Variants in ADGRG6 observed in about 807,000 individuals in gnomAD.
The protein encoded by ADGRG6 is G-protein coupled receptor 126.
A neutral mutation model predicts 142.4 loss-of-function variants in ADGRG6; 84 were observed. The observed-to-expected ratio is 0.59, with a 90% CI of 0.49 to 0.71. The LOEUF is 0.71. ADGRG6 is among the 30% of genes least tolerant of loss of function. ADGRG6 has a pLI of 0.00. For missense variants in ADGRG6, 1,367 were observed against 1,466.6 expected (o/e 0.93, Z 1.11); for synonymous variants, 521 against 520.5 (o/e 1.00, Z -0.01).
At chr6:142,314,741 T>C (rs957500398) in intron 2 of ADGRG6, among the ~76,000 whole-genome samples, 2 of 152,192 alleles carry the variant, frequency 1.3e-5, no homozygotes, top group Non-Finnish European at 2.9e-5. Flanking sequence ...AGAGTGGTCA[T>C]CTGGAAGTGA....
At chr6:142,385,555 A>G (rs556321948) in intron 6 of ADGRG6, among the ~76,000 whole-genome samples, 5 of 152,268 alleles carry the variant, frequency 3.3e-5, no homozygotes, top group African/African-American at 9.6e-5. Context: ...GGGAAAATCT[A>G]TTTCACAATT....
chr6:142,409,897 C>A lies in ADGRG6; in HGVS notation c.2412C>A (p.Ala804=). 1.3e-6 allele frequency: 2 copies of A among 1,487,164 alleles called. No homozygotes were observed. Among genetic ancestry groups the A allele is most frequent in the Non-Finnish European group, 1.9e-6 (2 of 1,078,614 alleles). 92.1% of individuals were successfully genotyped at this position (1,487,164 alleles called of 1,614,324 possible). A position where few individuals can be genotyped will look rare whatever the true frequency, so the allele number is the denominator to read the frequency against. ...RTQEVHHPIC[A]FWDLNKNKSF... is the part of the protein sequence containing the mutation. ...AGGAAGTGCATCATCCCATCTGTGC[C>A]TTCTGGGATCTGAACAAAAACAGTA... The change falls in exon 17 of 25, where the codon GCC becomes GCA. Residue 804 remains alanine, a synonymous_variant. Transcript: ENST00000367609.
chr6:142,385,868 A>G (rs774370553), intron 6 of ADGRG6, among the ~76,000 whole-genome samples: 7 of 152,174 alleles, frequency 4.6e-5, no homozygotes, highest in Non-Finnish European at 8.8e-5. Context: ...AACATTAATA[A>G]TTTCTTATTC....
intron 6 of ADGRG6, among the ~76,000 whole-genome samples, chr6:142,385,161 A>T (rs1355506809): frequency 6.6e-6 from 1 of 152,136 alleles, no homozygotes; most frequent in African/African-American, 2.4e-5. Flanking sequence ...AGAGTCCTTG[A>T]CTTGGTGGAG....
intron 6 of ADGRG6, among the ~76,000 whole-genome samples, chr6:142,385,806 C>T (rs1781991703): frequency 6.6e-6 from 1 of 151,900 alleles, no homozygotes; most frequent in South Asian, 2.1e-4. Flanking sequence ...ACTTTTTCAC[C>T]TTATGAATAC....
At chr6:142,395,473 T>C (rs1212594728) in intron 9 of ADGRG6, among the ~76,000 whole-genome samples, 1 of 152,212 alleles carries the variant, frequency 6.6e-6, no homozygotes, top group Non-Finnish European at 1.5e-5. Flanking sequence ...TTTAGTGTAC[T>C]TACTGTGGTT....
chr6:142,418,675 C>T (rs918298873), intron 21 of ADGRG6, among the ~76,000 whole-genome samples: 21 of 152,086 alleles, frequency 1.4e-4, no homozygotes, highest in African/African-American at 4.8e-4. Context: ...TGATAATTTA[C>T]TGTATGCCAG....
At chr6:142,365,388 C>T (rs1780900192) in intron 2 of ADGRG6, among the ~76,000 whole-genome samples, 1 of 152,124 alleles carries the variant, frequency 6.6e-6, no homozygotes, top group African/African-American at 2.4e-5. Flanking sequence ...ATAAATTTAG[C>T]AAATTTTATT....
intron 17 of ADGRG6, among the ~76,000 whole-genome samples, chr6:142,410,654 A>C (rs796904687): frequency 1.9e-4 from 29 of 152,246 alleles, no homozygotes; most frequent in African/African-American, 6.7e-4. Flanking sequence ...TGTCACAGCA[A>C]GACAGGAGTT....
rs371592836 is a variant in ADGRG6, at chr6:142,370,671, C to T, written c.947C>T (p.Thr316Ile). 6.2e-7 allele frequency: 1 copy of T among 1,613,488 alleles called. No individual in the cohort carries two copies. The highest frequency in any genetic ancestry group is 1.3e-5 in the African/African-American group (1 of 74,894). ...TATAACTTTCGACTTTGGAATTTTA[C>T]CATGAATGCCAAAATCCTCTCCAAC... ...DIYNFRLWNF[T>I]MNAKILSNLS... The change falls in exon 4 of 25, where the codon ACC (threonine) becomes ATC (isoleucine). Residue 316 changes from threonine (T) to isoleucine (I), a missense_variant. Coordinates refer to ENST00000367609, the MANE Select transcript of ADGRG6 (RefSeq NM_198569.3).
At chr6:142,437,962 T>C in intron 23 of ADGRG6, 1 of 339,504 alleles carries the variant, frequency 2.9e-6, no homozygotes, top group Non-Finnish European at 5.2e-6. Context: ...TTTGTTTTTC[T>C]TTTTACTGTC....
At chr6:142,330,889 G>A (rs1779023832) in intron 2 of ADGRG6, among the ~76,000 whole-genome samples, 1 of 151,978 alleles carries the variant, frequency 6.6e-6, no homozygotes, top group Non-Finnish European at 1.5e-5. Flanking sequence ...AATATTTTTA[G>A]AGTATATAAT....
intron 22 of ADGRG6, among the ~76,000 whole-genome samples, chr6:142,434,611 G>A (rs1000184238): frequency 3.9e-5 from 6 of 152,092 alleles, no homozygotes; most frequent in Admixed American, 1.3e-4. Context: ...GTAAGCCACC[G>A]CGTCCGGCCC....
intron 4 of ADGRG6, among the ~76,000 whole-genome samples, chr6:142,381,424 G>T (rs753666519): frequency 3.9e-5 from 6 of 152,154 alleles, no homozygotes; most frequent in Non-Finnish European, 8.8e-5. Flanking sequence ...TAAAAAATTA[G>T]CTCAAAACTT....
chr6:142,359,886 A>G (rs1436944157), intron 2 of ADGRG6, among the ~76,000 whole-genome samples: 3 of 152,194 alleles, frequency 2.0e-5, no homozygotes, highest in African/African-American at 7.2e-5. Flanking sequence ...ATTTGGAGGT[A>G]GAGAAAACTT....
chr6:142,396,986 A>G (rs190093361), intron 9 of ADGRG6, among the ~76,000 whole-genome samples: 9 of 152,250 alleles, frequency 5.9e-5, no homozygotes, highest in African/African-American at 1.2e-4. Context: ...CAACCATTCT[A>G]TAACCTTCTT....
At chr6:142,437,048 T>G (rs1446551335) in intron 22 of ADGRG6, among the ~76,000 whole-genome samples, 1 of 152,250 alleles carries the variant, frequency 6.6e-6, no homozygotes, top group Non-Finnish European at 1.5e-5. Flanking sequence ...TTATGTGTGT[T>G]TTCCATTTTC....
intron 2 of ADGRG6, among the ~76,000 whole-genome samples, chr6:142,336,111 C>G (rs1244560992): frequency 6.6e-6 from 1 of 152,188 alleles, no homozygotes; most frequent in East Asian, 1.9e-4. Context: ...AGCAGTGCCT[C>G]TCTGTGTGCA....
intron 4 of ADGRG6, among the ~76,000 whole-genome samples, chr6:142,374,308 G>A (rs1195559395): frequency 6.6e-6 from 1 of 152,180 alleles, no homozygotes; most frequent in Non-Finnish European, 1.5e-5. Context: ...TTAGCCCTAC[G>A]ACATGGGTGG....
Sources: gnomAD v4.1 joint callset for allele counts (sites outside exome capture counted in the v4.1 genomes callset) on GRCh38, gnomAD v4.1.1 for gene constraint, MANE v1.5 for transcripts, NCBI Gene and HGNC (gene_info 2026-07-23, HGNC 2026-07-21) for gene names.